TBC1D5: variants seen among roughly 807,000 people sequenced by gnomAD.
TBC1D5 encodes the protein TBC1 domain family, member 5.
Under a neutral mutation model 100.3 loss-of-function variants are expected in TBC1D5, and 75 were observed. That is an observed-to-expected ratio of 0.75 (90% CI 0.62 to 0.91). The LOEUF (loss-of-function observed/expected upper bound fraction) is 0.91, where lower values mean the gene tolerates loss of function less well. Ranked by LOEUF, TBC1D5 falls within the 40% of genes least tolerant of loss-of-function variation. The probability of loss-of-function intolerance (pLI) is 0.00; values close to 1 mark genes in which losing one functional copy is unlikely to be tolerated. For missense variants in TBC1D5, 910 were observed against 942.4 expected (o/e 0.97, Z 0.45); for synonymous variants, 323 against 325.6 (o/e 0.99, Z 0.09).
At chr3:17,248,658 G>A (rs1278020356) in intron 16 of TBC1D5, among the ~76,000 whole-genome samples, 1 of 152,156 alleles carries the variant, frequency 6.6e-6, no homozygotes, top group African/African-American at 2.4e-5. Context: ...GGGTGACCAG[G>A]TGCATTGTTA....
intron 17 of TBC1D5, among the ~76,000 whole-genome samples, chr3:17,219,248 T>C (rs994696136): frequency 1.3e-5 from 2 of 152,080 alleles, no homozygotes; most frequent in South Asian, 2.1e-4. Context: ...AGAATATCTA[T>C]TTAATTCTCT....
intron 2 of TBC1D5, among the ~76,000 whole-genome samples, chr3:17,535,965 C>T (rs1010666086): frequency 5.9e-5 from 9 of 152,020 alleles, no homozygotes; most frequent in African/African-American, 2.2e-4. Flanking sequence ...TGTACAAGTA[C>T]CCACTAACAG....
intron 4 of TBC1D5, among the ~76,000 whole-genome samples, chr3:17,408,306 C>G (rs2093828874): frequency 9.0e-6 from 1 of 111,346 alleles, no homozygotes; most frequent in Non-Finnish European, 2.1e-5. Context: ...CACACACACA[C>G]ACACACACAC....
chr3:17,677,206 T>C (rs974948069), intron 1 of TBC1D5, among the ~76,000 whole-genome samples: 2 of 151,860 alleles, frequency 1.3e-5, no homozygotes, highest in African/African-American at 2.4e-5. Flanking sequence ...ACCATCAGAG[T>C]GAACAGGCAA....
chr3:17,646,603 G>A (rs975434366), intron 1 of TBC1D5, among the ~76,000 whole-genome samples: 1 of 151,852 alleles, frequency 6.6e-6, no homozygotes, highest in African/African-American at 2.4e-5. Flanking sequence ...CAATAATCTG[G>A]TTCAGGCAAT....
intron 2 of TBC1D5, among the ~76,000 whole-genome samples, chr3:17,518,196 C>G (rs973477554): frequency 6.6e-6 from 1 of 152,170 alleles, no homozygotes; most frequent in African/African-American, 2.4e-5. Context: ...CAAAACCCCA[C>G]CTTCAAGCCG....
At chr3:17,479,851 C>A (rs1231600597) in intron 3 of TBC1D5, among the ~76,000 whole-genome samples, 1 of 152,156 alleles carries the variant, frequency 6.6e-6, no homozygotes, top group Non-Finnish European at 1.5e-5. Context: ...TATGAACCTG[C>A]GGGAGCGAGG....
At chr3:17,562,251 G>C (rs1409061306) in intron 2 of TBC1D5, 1 of 151,662 alleles carries the variant, frequency 6.6e-6, no homozygotes, top group African/African-American at 2.4e-5. Flanking sequence ...CCCACAAATA[G>C]TATTTATAAT....
intron 2 of TBC1D5, among the ~76,000 whole-genome samples, chr3:17,597,672 A>G (rs1458372548): frequency 6.6e-6 from 1 of 152,200 alleles, no homozygotes; most frequent in Non-Finnish European, 1.5e-5. Flanking sequence ...AGGTGTTCTA[A>G]TAATTAAAAC....
At chr3:17,451,753 A>C (rs11920557) in intron 3 of TBC1D5, among the ~76,000 whole-genome samples, 13,849 of 152,086 alleles carry the variant, frequency 0.091, 1,424 homozygotes, top group African/African-American at 0.26. Context: ...GCACATGTAT[A>C]CCAGAACTTA....
At chr3:17,555,154 C>T (rs2153458547) in intron 2 of TBC1D5, among the ~76,000 whole-genome samples, 3 of 149,486 alleles carry the variant, frequency 2.0e-5, no homozygotes. Context: ...AGGCCTTGTG[C>T]TTTTTTTTTT....
intron 2 of TBC1D5, among the ~76,000 whole-genome samples, chr3:17,601,855 A>C (rs1268514994): frequency 2.0e-5 from 3 of 152,026 alleles, no homozygotes; most frequent in African/African-American, 7.3e-5. Context: ...TTTGAGACCG[A>C]GTCTCGCTCT....
chr3:17,674,693 ACTGGGTTTGAG>A (rs2068394695), intron 1 of TBC1D5, among the ~76,000 whole-genome samples: 1 of 152,090 alleles, frequency 6.6e-6, no homozygotes, highest in Non-Finnish European at 1.5e-5. Context: ...ACCTTCCTGC[ACTGGGTTTGAG>A]CTTTTCATAA....
At chr3:17,557,364 G>C (rs2096529008) in intron 2 of TBC1D5, among the ~76,000 whole-genome samples, 1 of 152,142 alleles carries the variant, frequency 6.6e-6, no homozygotes, top group Non-Finnish European at 1.5e-5. Flanking sequence ...ATTCCATTTG[G>C]ATGTATGTTT....
intron 18 of TBC1D5, among the ~76,000 whole-genome samples, chr3:17,197,254 GT>G (rs2070818528): frequency 6.6e-6 from 1 of 152,064 alleles, no homozygotes; most frequent in Non-Finnish European, 1.5e-5. Flanking sequence ...ATCACTTAAC[GT>G]GTAAAACCAC....
chr3:17,355,474 T>C (rs1234928761), intron 13 of TBC1D5, among the ~76,000 whole-genome samples: 1 of 152,138 alleles, frequency 6.6e-6, no homozygotes, highest in African/African-American at 2.4e-5. Context: ...TCAGCCTGGA[T>C]TTCCTCTTTA....
intron 2 of TBC1D5, among the ~76,000 whole-genome samples, chr3:17,612,893 T>C (rs558571665): frequency 1.4e-3 from 211 of 151,688 alleles, no homozygotes; most frequent in African/African-American, 4.5e-3. Context: ...CTTTTCTTTT[T>C]TTTTTTTTTT....
chr3:17,164,975 G>C (rs1235635956), intron 21 of TBC1D5, among the ~76,000 whole-genome samples: 1 of 151,974 alleles, frequency 6.6e-6, no homozygotes, highest in Non-Finnish European at 1.5e-5. Flanking sequence ...GGCCATGGCA[G>C]AGAAGAGGTA....
chr3:17,285,248 CTTTTTTTTTTTTTTTTT>C (rs373843978), intron 15 of TBC1D5, among the ~76,000 whole-genome samples: 104 of 104,684 alleles, frequency 9.9e-4, no homozygotes, highest in Middle Eastern at 4.9e-3. Context: ...ATTTTAGATT[CTTTTTTTTTTTTTTTTT>C]TTTTTTTTTT....
Sources: allele counts gnomAD v4.1 joint callset (sites outside exome capture counted in the v4.1 genomes callset), GRCh38; gene constraint gnomAD v4.1.1; transcripts MANE v1.5; gene names NCBI Gene and HGNC (gene_info 2026-07-23, HGNC 2026-07-21).